DNM3: variants seen among roughly 807,000 people sequenced by gnomAD.
The protein encoded by DNM3 is dynamin 3.
A neutral mutation model predicts 101.6 loss-of-function variants in DNM3; 47 were observed. The ratio of observed to expected loss-of-function variants is 0.46; its 90% CI spans 0.37 to 0.59. The LOEUF (loss-of-function observed/expected upper bound fraction) is 0.59, where lower values mean the gene tolerates loss of function less well. DNM3 is among the 20% of genes least tolerant of loss of function. DNM3 has a pLI of 0.00. For synonymous variants in DNM3, 385 were observed against 387.9 expected, an observed-to-expected ratio of 0.99 and a Z score of 0.09; for missense variants, 849 against 1,085.7, an observed-to-expected ratio of 0.78 and a Z score of 3.06.
chr1:171,948,595 C>A (rs143731130), intron 2 of DNM3, among the ~76,000 whole-genome samples: 2 of 152,094 alleles, frequency 1.3e-5, no homozygotes, highest in Non-Finnish European at 2.9e-5. Flanking sequence ...CAGCTCCTCA[C>A]GAATAACTTG....
At chr1:172,212,777 A>G (rs897558935) in intron 14 of DNM3, among the ~76,000 whole-genome samples, 1 of 152,126 alleles carries the variant, frequency 6.6e-6, no homozygotes, top group African/African-American at 2.4e-5. Flanking sequence ...TGAACATGTG[A>G]TTTTGAAACA....
chr1:171,940,178 A>C (rs995559526), intron 2 of DNM3, among the ~76,000 whole-genome samples: 1 of 152,202 alleles, frequency 6.6e-6, no homozygotes, highest in African/African-American at 2.4e-5. Context: ...TATTTTTCAA[A>C]GTGAACTAAC....
intron 14 of DNM3, among the ~76,000 whole-genome samples, chr1:172,210,232 G>T (rs1456306681): frequency 6.7e-6 from 1 of 150,028 alleles, no homozygotes; most frequent in African/African-American, 2.4e-5. Context: ...TAAGTCTTCA[G>T]ATTCCTAAGT....
At chr1:171,885,553 G>T (rs950491906) in intron 1 of DNM3, among the ~76,000 whole-genome samples, 1 of 152,020 alleles carries the variant, frequency 6.6e-6, no homozygotes, top group Non-Finnish European at 1.5e-5. Flanking sequence ...TATGTGATGC[G>T]GGCTGCTTTC....
chr1:172,113,489 G>A (rs576425854), intron 13 of DNM3, among the ~76,000 whole-genome samples: 11 of 151,824 alleles, frequency 7.2e-5, no homozygotes, highest in Non-Finnish European at 1.3e-4. Flanking sequence ...GCCTGGTGGC[G>A]GGTGCCTGTA....
rs555201450 is a variant in DNM3 at position 172,006,055 on chromosome 1, C to T, written c.589+16907C>T. Among the ~76,000 whole-genome samples, 39 of 152,132 alleles carry T rather than the reference C, an allele frequency of 2.6e-4. 1 individual carries two copies. The highest frequency in any genetic ancestry group is 2.4e-3 in the Admixed American group (37 of 15,256). ...TGTGTTCAGGATTCCAAATAGATTG[C>T]TGAGGGTTGTGTGTGGAGCTTGATT... On this transcript the variant is annotated intron_variant, in intron 4 of 20. Coordinates refer to ENST00000627582, the MANE Select transcript of DNM3 (RefSeq NM_015569.5).
intron 1 of DNM3, among the ~76,000 whole-genome samples, chr1:171,921,140 T>C (rs1278206153): frequency 6.8e-6 from 1 of 146,300 alleles, no homozygotes. Context: ...TAGCGCTGGG[T>C]TTTTGCTATG....
chr1:172,034,721 T>G (rs2048838660), intron 6 of DNM3, among the ~76,000 whole-genome samples: 1 of 152,162 alleles, frequency 6.6e-6, no homozygotes, highest in Non-Finnish European at 1.5e-5. Context: ...CCAATACTTC[T>G]GCTCCTGTGG....
intron 1 of DNM3, among the ~76,000 whole-genome samples, chr1:171,855,648 A>G (rs1294397150): frequency 6.6e-6 from 1 of 151,094 alleles, no homozygotes; most frequent in Non-Finnish European, 1.5e-5. Context: ...GAGCTTTTTT[A>G]TTTTTTTCTT....
chr1:172,320,046 G>C (rs1000582657), intron 16 of DNM3, among the ~76,000 whole-genome samples: 1 of 151,456 alleles, frequency 6.6e-6, no homozygotes, highest in East Asian at 1.9e-4. Context: ...GGAATACTAC[G>C]CAGCCATAAA....
At chr1:172,020,975 T>A (rs140244796) in intron 4 of DNM3, among the ~76,000 whole-genome samples, 1 of 152,344 alleles carries the variant, frequency 6.6e-6, no homozygotes, top group East Asian at 1.9e-4. Flanking sequence ...CTTGGGTGTC[T>A]GCTCTGTTGA....
chr1:172,081,985 A>G (rs2053184129), intron 12 of DNM3, 83 bp downstream of exon 12: 3 of 1,380,900 alleles, frequency 2.2e-6, no homozygotes, highest in African/African-American at 2.8e-5. Flanking sequence ...CTACAGTTTC[A>G]CCACCTTTGA....
Position 171,986,468 on chromosome 1 carries a change from TTAAATC to T in DNM3, c.236-1184_236-1179del, listed in dbSNP as rs1309060998. 2.0e-5 allele frequency among the ~76,000 whole-genome samples: 3 copies of T among 152,156 alleles called. No individual in the cohort carries two copies. The East Asian group carries it at 5.8e-4, about 29-fold the overall frequency. On this transcript the variant is annotated intron_variant, in intron 2 of 20. Transcript: ENST00000627582. ...ACTCTTTTATCCTTTCCACACAGTG[TTAAATC>T]TAACCCTTGTTGATCTACCTGCAGT...
intron 13 of DNM3, among the ~76,000 whole-genome samples, chr1:172,128,488 A>T (rs113068786): frequency 0.021 from 3,203 of 152,344 alleles, 102 homozygotes; most frequent in African/African-American, 0.071. Flanking sequence ...ATATGTAATT[A>T]AAAAATTTCT....
chr1:172,360,498 C>T lies in DNM3; in HGVS notation c.1894-18520C>T, dbSNP rs572411542. Among the ~76,000 whole-genome samples, 346 of 152,168 alleles carry T rather than the reference C, an allele frequency of 2.3e-3. 1 individual carries two copies. Among genetic ancestry groups the T allele is most frequent in the African/African-American group, 7.8e-3 (326 of 41,564 alleles). ...AGACATCCAAATTTGTTTACTTTTA[C>T]TTCCAGTATTTTAATCCGTTTTCTT... On this transcript the variant is annotated intron_variant, in intron 17 of 20. Transcript: ENST00000627582.
chr1:172,268,974 C>T (rs924997112), intron 15 of DNM3, among the ~76,000 whole-genome samples: 1 of 152,134 alleles, frequency 6.6e-6, no homozygotes, highest in Non-Finnish European at 1.5e-5. Context: ...AATCAGGCAT[C>T]GTACTTTTCA....
At chr1:172,041,740 C>A (rs544886242) in intron 7 of DNM3, among the ~76,000 whole-genome samples, 1 of 152,180 alleles carries the variant, frequency 6.6e-6, no homozygotes, top group African/African-American at 2.4e-5. Flanking sequence ...TCTTTAAATA[C>A]CATTTTATGA....
At chr1:172,264,161 A>C (rs932329406) in intron 15 of DNM3, among the ~76,000 whole-genome samples, 2 of 152,246 alleles carry the variant, frequency 1.3e-5, no homozygotes, top group African/African-American at 4.8e-5. Flanking sequence ...AATGGGAAAT[A>C]GTATTAGTCA....
intron 4 of DNM3, among the ~76,000 whole-genome samples, chr1:172,032,194 G>T (rs985269336): frequency 6.6e-6 from 1 of 152,070 alleles, no homozygotes; most frequent in South Asian, 2.1e-4. Context: ...TGGGTTGAAG[G>T]TTATCTTCTG....
Sources: gnomAD v4.1 joint callset for allele counts (sites outside exome capture counted in the v4.1 genomes callset) on GRCh38, gnomAD v4.1.1 for gene constraint, MANE v1.5 for transcripts, NCBI Gene and HGNC (gene_info 2026-07-23, HGNC 2026-07-21) for gene names.